ZSCAN25: variants seen among roughly 807,000 people sequenced by gnomAD.
The protein encoded by ZSCAN25 is zinc finger and SCAN domain containing 25.
Under a neutral mutation model 38.7 loss-of-function variants are expected in ZSCAN25, and 27 were observed. That is an observed-to-expected ratio of 0.70 (90% CI 0.51 to 0.96). ZSCAN25 has a LOEUF of 0.96. Among genes scored for constraint, ZSCAN25 ranks in the 40% least tolerant of loss-of-function variants. ZSCAN25 has a pLI of 0.00. For synonymous variants in ZSCAN25, 273 were observed against 277.7 expected, an observed-to-expected ratio of 0.98 and a Z score of 0.17; for missense variants, 637 against 705.9, an observed-to-expected ratio of 0.90 and a Z score of 1.11.
the ZSCAN25 span, chr7:99,660,443 G>A: frequency 6.5e-7 from 1 of 1,527,972 alleles, no homozygotes; most frequent in Non-Finnish European, 8.8e-7. Context: ...GTGGTGAGGA[G>A]GCATTTTTGC....
Position 99,622,559 on chromosome 7 carries a change from TCTGCAGGCGGGTC to T in ZSCAN25, c.604_616del (p.Gln202AlafsTer5). ...TTTGTCCCTGCTCAGCACTACCTGT[TCTGCAGGCGGGTC>T]CTGGCCTCCCCGCAGTGAATCCCAG... On this transcript the variant is annotated frameshift_variant, in exon 6 of 8. Transcript: ENST00000394152. LOFTEE classifies it high-confidence loss of function. The T allele has an allele frequency of 6.2e-7, 1 of 1,614,196 alleles. No individual in the cohort carries two copies. Among genetic ancestry groups the T allele is most frequent in the Non-Finnish European group, 8.5e-7 (1 of 1,180,032 alleles).
At chr7:99,678,375 T>A in the ZSCAN25 span, among the ~76,000 whole-genome samples, 3 of 152,350 alleles carry the variant, frequency 2.0e-5, no homozygotes, top group East Asian at 1.9e-4. Context: ...CCTGGAAGCC[T>A]TTGCTATCGT....
chr7:99,655,671 G>A, the ZSCAN25 span, among the ~76,000 whole-genome samples: 2 of 152,188 alleles, frequency 1.3e-5, no homozygotes. Context: ...ACCTTGGGCA[G>A]TATGGCCATT....
At chr7:99,694,270 C>A in the ZSCAN25 span, among the ~76,000 whole-genome samples, 2 of 152,118 alleles carry the variant, frequency 1.3e-5, no homozygotes, top group Non-Finnish European at 2.9e-5. Flanking sequence ...TTCATCAGCT[C>A]GCTCTAGAAT....
At chr7:99,683,623 A>T in the ZSCAN25 span, among the ~76,000 whole-genome samples, 1 of 152,124 alleles carries the variant, frequency 6.6e-6, no homozygotes, top group East Asian at 1.9e-4. Context: ...CTTCCCACTC[A>T]TGGATGCCCT....
At chr7:99,701,475 C>T in the ZSCAN25 span, among the ~76,000 whole-genome samples, 4 of 152,232 alleles carry the variant, frequency 2.6e-5, no homozygotes, top group African/African-American at 7.2e-5. Context: ...ATACCCAGCA[C>T]CGGGATTTCT....
the ZSCAN25 span, among the ~76,000 whole-genome samples, chr7:99,730,324 G>T: frequency 6.6e-6 from 1 of 152,130 alleles, no homozygotes; most frequent in Non-Finnish European, 1.5e-5. Flanking sequence ...TTCATATTGT[G>T]CTTAAATATC....
the ZSCAN25 span, chr7:99,638,582 A>T: frequency 1.3e-6 from 2 of 1,569,202 alleles, no homozygotes; most frequent in Non-Finnish European, 1.8e-6. Flanking sequence ...CCCACATCCC[A>T]TATGTTGAAC....
chr7:99,664,989 G>A, the ZSCAN25 span, among the ~76,000 whole-genome samples: 4 of 152,132 alleles, frequency 2.6e-5, no homozygotes, highest in African/African-American at 9.7e-5. Flanking sequence ...AAGTGTGTGA[G>A]GGCTCTAGAT....
chr7:99,731,883 G>A, the ZSCAN25 span, among the ~76,000 whole-genome samples: 8 of 152,128 alleles, frequency 5.3e-5, no homozygotes, highest in Admixed American at 2.0e-4. Context: ...AGCTATTGGG[G>A]AGGATGATTG....
At chr7:99,674,509 A>G in the ZSCAN25 span, 1 of 1,604,936 alleles carries the variant, frequency 6.2e-7, no homozygotes, top group Non-Finnish European at 8.5e-7. Flanking sequence ...AGGTCTATCC[A>G]ATGGAGGTTT....
chr7:99,639,607 A>G, the ZSCAN25 span, among the ~76,000 whole-genome samples: 2 of 152,346 alleles, frequency 1.3e-5, no homozygotes. Flanking sequence ...AGCCAATTAC[A>G]GGCTCTTTAC....
chr7:99,655,936 T>A, the ZSCAN25 span, among the ~76,000 whole-genome samples: 1 of 152,258 alleles, frequency 6.6e-6, no homozygotes, highest in African/African-American at 2.4e-5. Flanking sequence ...TTTTGTATCC[T>A]GATACTTTGC....
rs1807749406 is a variant in ZSCAN25 at position 99,629,127 on chromosome 7, G to A, written c.806-64G>A. On this transcript the variant is annotated intron_variant, in intron 7 of 7. Coordinates refer to ENST00000394152, the MANE Select transcript of ZSCAN25 (RefSeq NM_145115.3). The surrounding 1 kb of genome is among the most constrained non-coding windows in gnomAD (Gnocchi z 5.6). The stretch of plus-strand genomic sequence containing the variant: ...ATGAATGGGACCCCTGTGAAGCAGA[G>A]TTCTAACATGTAAATGTCCTGCGGC... 11 of 1,525,288 alleles carry A rather than the reference G, an allele frequency of 7.2e-6. No individual in the cohort carries two copies. In the South Asian group the frequency reaches 1.4e-4, roughly 20 times the overall value. The allele number at this position is 1,525,288 out of a possible 1,614,324, so 94.5% of individuals were successfully genotyped here.
At chr7:99,638,961 C>T in the ZSCAN25 span, among the ~76,000 whole-genome samples, 4,482 of 152,336 alleles carry the variant, frequency 0.029, 214 homozygotes, top group African/African-American at 0.1. Context: ...CCTCCAGTCG[C>T]CGCTGCCACC....
the ZSCAN25 span, among the ~76,000 whole-genome samples, chr7:99,686,760 C>CCA: frequency 4.6e-5 from 7 of 152,060 alleles, no homozygotes; most frequent in African/African-American, 1.7e-4. Context: ...ACCCCCCCCC[C>CCA]AGTAGGGGCA....
At chr7:99,692,344 A>G in the ZSCAN25 span, among the ~76,000 whole-genome samples, 2 of 151,994 alleles carry the variant, frequency 1.3e-5, no homozygotes, top group African/African-American at 2.4e-5. Flanking sequence ...CCTTCATTTC[A>G]ACCTTGGTGA....
the ZSCAN25 span, chr7:99,652,668 C>G: frequency 6.2e-7 from 1 of 1,614,132 alleles, no homozygotes; most frequent in Non-Finnish European, 8.5e-7. Context: ...ATTTCAACAT[C>G]TTTCTTGCAA....
chr7:99,688,217 A>G, the ZSCAN25 span, among the ~76,000 whole-genome samples: 2 of 152,362 alleles, frequency 1.3e-5, no homozygotes, highest in East Asian at 3.9e-4. Flanking sequence ...ATTAAAAGAC[A>G]CAGATGGGCA....
Sources: gnomAD v4.1 joint callset for allele counts (sites outside exome capture counted in the v4.1 genomes callset) on GRCh38, gnomAD v4.1.1 for gene constraint, Gnocchi (gnomAD v3.1) non-coding constraint, MANE v1.5 for transcripts, NCBI Gene and HGNC (gene_info 2026-07-23, HGNC 2026-07-21) for gene names.